EYS: variants seen among roughly 807,000 people sequenced by gnomAD.
EYS encodes EGF-like photoreceptor maintenance factor, also known as protein eyes shut homolog.
A neutral mutation model predicts 282.1 loss-of-function variants in EYS; 250 were observed. The observed-to-expected ratio is 0.89, with a 90% CI of 0.80 to 0.98. The LOEUF (loss-of-function observed/expected upper bound fraction) is 0.98, where lower values mean the gene tolerates loss of function less well. Among genes scored for constraint, EYS ranks in the 50% least tolerant of loss-of-function variants. The pLI, the probability that EYS is intolerant of heterozygous loss-of-function variation, is 0.00. For missense variants in EYS, 4,016 were observed against 3,709.0 expected (o/e 1.08, Z -2.15); for synonymous variants, 1,355 against 1,282.9 (o/e 1.06, Z -1.20).
chr6:65,491,627 T>C (rs1381640127), intron 4 of EYS: 1 of 405,404 alleles, frequency 2.5e-6, no homozygotes, highest in Non-Finnish European at 4.8e-6. Context: ...AAAATATAAA[T>C]AAAAATCATT....
At chr6:65,131,249 G>A (rs1235537067) in intron 12 of EYS, among the ~76,000 whole-genome samples, 1 of 151,480 alleles carries the variant, frequency 6.6e-6, no homozygotes, top group Non-Finnish European at 1.5e-5. Context: ...TAAGTAAGGG[G>A]GAAAGCCAGA....
At chr6:64,485,758 A>G (rs1238146830) in intron 26 of EYS, among the ~76,000 whole-genome samples, 1 of 151,534 alleles carries the variant, frequency 6.6e-6, no homozygotes, top group Non-Finnish European at 1.5e-5. Flanking sequence ...TTCCTCCAAA[A>G]TAAAGCACTT....
intron 41 of EYS, among the ~76,000 whole-genome samples, chr6:63,735,368 A>G (rs1385176442): frequency 6.6e-6 from 1 of 152,084 alleles, no homozygotes. Flanking sequence ...ATAAGTTGCC[A>G]TAACAAAAAG....
intron 22 of EYS, among the ~76,000 whole-genome samples, chr6:64,809,090 A>C (rs1330308210): frequency 6.6e-6 from 1 of 152,124 alleles, no homozygotes; most frequent in East Asian, 1.9e-4. Context: ...ATAGTCTTAA[A>C]GACACAGAAA....
intron 35 of EYS, among the ~76,000 whole-genome samples, chr6:63,963,629 T>C (rs1419525847): frequency 6.6e-6 from 1 of 152,220 alleles, no homozygotes; most frequent in Non-Finnish European, 1.5e-5. Flanking sequence ...GCACCAAGCT[T>C]GTCACAGACT....
chr6:65,605,027 A>G (rs1021515801), intron 2 of EYS, among the ~76,000 whole-genome samples: 27 of 114,540 alleles, frequency 2.4e-4, no homozygotes, highest in Admixed American at 8.2e-4. Context: ...TTTTTTTTGT[A>G]GAGACGGGGG....
intron 35 of EYS, among the ~76,000 whole-genome samples, chr6:63,894,567 GTTTT>G (rs940291324): frequency 9.4e-5 from 14 of 148,532 alleles, no homozygotes; most frequent in African/African-American, 1.2e-4. Flanking sequence ...AAAATCTGTT[GTTTT>G]TTTTTGTTTG....
At chr6:65,132,009 C>T (rs945836868) in intron 12 of EYS, among the ~76,000 whole-genome samples, 1 of 151,908 alleles carries the variant, frequency 6.6e-6, no homozygotes, top group African/African-American at 2.4e-5. Context: ...TACCCCAAGA[C>T]TGAAGTAGGA....
chr6:64,615,642 T>C (rs886144721), intron 24 of EYS, among the ~76,000 whole-genome samples: 1 of 152,236 alleles, frequency 6.6e-6, no homozygotes, highest in Admixed American at 6.5e-5. Flanking sequence ...ATAAACTGAA[T>C]TTCCCCTATC....
intron 22 of EYS, among the ~76,000 whole-genome samples, chr6:64,677,043 G>T (rs1299254069): frequency 1.3e-5 from 2 of 152,122 alleles, no homozygotes; most frequent in Middle Eastern, 3.2e-3. Context: ...TAATAAAGCA[G>T]ATGATACTTT....
intron 2 of EYS, among the ~76,000 whole-genome samples, chr6:65,519,007 C>T (rs1332269940): frequency 6.6e-6 from 1 of 151,960 alleles, no homozygotes; most frequent in East Asian, 1.9e-4. Flanking sequence ...TGTGTAATGC[C>T]CATGTCAGAA....
intron 15 of EYS, among the ~76,000 whole-genome samples, chr6:64,916,907 C>G (rs1193888732): frequency 6.6e-6 from 1 of 152,168 alleles, no homozygotes; most frequent in Non-Finnish European, 1.5e-5. Flanking sequence ...ATTTAAAGTA[C>G]TAAAGCTGAT....
intron 35 of EYS, among the ~76,000 whole-genome samples, chr6:63,870,737 T>A (rs1344860381): frequency 6.6e-6 from 1 of 152,200 alleles, no homozygotes; most frequent in South Asian, 2.1e-4. Flanking sequence ...TCTCTTTATA[T>A]AGAGTCAGTG....
At chr6:64,904,936 A>C (rs888991903) in intron 16 of EYS, among the ~76,000 whole-genome samples, 2 of 152,212 alleles carry the variant, frequency 1.3e-5, no homozygotes, top group Non-Finnish European at 2.9e-5. Flanking sequence ...CATTGGGAGA[A>C]AACATAACAT....
chr6:64,592,168 A>G (rs1051329264), intron 25 of EYS, among the ~76,000 whole-genome samples, 179 bp from the exon 26 acceptor site: 1 of 152,170 alleles, frequency 6.6e-6, no homozygotes, highest in African/African-American at 2.4e-5. Context: ...TGATTTCACA[A>G]ACTGCATAAA....
chr6:64,814,330 C>T (rs377203131), intron 21 of EYS, among the ~76,000 whole-genome samples: 1 of 151,944 alleles, frequency 6.6e-6, no homozygotes, highest in Non-Finnish European at 1.5e-5. Context: ...TACATGGATG[C>T]ACAAAATGGT....
chr6:65,521,450 C>T (rs1274202653), intron 2 of EYS, among the ~76,000 whole-genome samples: 1 of 152,016 alleles, frequency 6.6e-6, no homozygotes, highest in Admixed American at 6.6e-5. Flanking sequence ...GAACTCAGAC[C>T]TTCCAAATAG....
At chr6:65,313,697 C>T (rs1265103707) in intron 11 of EYS, among the ~76,000 whole-genome samples, 4 of 152,130 alleles carry the variant, frequency 2.6e-5, no homozygotes, top group South Asian at 4.1e-4. Flanking sequence ...AGTATCTTCA[C>T]AGCAAACACC....
In EYS at chr6:65,327,115, C is replaced by T. The variant is rs538901018; in HGVS notation, c.1766+7865G>A. Among the ~76,000 whole-genome samples the T allele has an allele frequency of 7.3e-3, 1,106 of 151,644 alleles. 5 individuals carry two copies. Among genetic ancestry groups the T allele is most frequent in the Non-Finnish European group, 0.011 (741 of 67,634 alleles). ...GATTGTAATGCAAAATGCTTTATTA[C>T]GTCAACATAAAGCTAAATAAAAACT... On this transcript the variant is annotated intron_variant, in intron 11 of 42. Coordinates refer to ENST00000503581, the MANE Select transcript of EYS (RefSeq NM_001142800.2).
Sources: gnomAD v4.1 joint callset for allele counts (sites outside exome capture counted in the v4.1 genomes callset) on GRCh38, gnomAD v4.1.1 for gene constraint, MANE v1.5 for transcripts, NCBI Gene and HGNC (gene_info 2026-07-23, HGNC 2026-07-21) for gene names.